Variants in KIF1A observed in about 807,000 individuals in gnomAD.
KIF1A encodes kinesin-like protein KIF1A.
KIF1A carries 46 observed loss-of-function variants against 227.3 expected under a neutral mutation model. That is an observed-to-expected ratio of 0.20 (90% CI 0.16 to 0.26). The LOEUF is 0.26. KIF1A is among the 10% of genes least tolerant of loss of function. The pLI is 1.00. For missense variants in KIF1A, 1,683 were observed against 2,485.9 expected (o/e 0.68, Z 6.87); for synonymous variants, 1,022 against 1,012.8 (o/e 1.01, Z -0.17).
At chr2:240,781,431 CCACACACACACA>C (rs1207804684) in intron 10 of KIF1A, among the ~76,000 whole-genome samples, 10 of 21,960 alleles carry the variant, frequency 4.6e-4, no homozygotes, top group African/African-American at 1.4e-3. Flanking sequence ...ACACACAGCT[CCACACACACACA>C]CACACACACA....
At chr2:240,734,575 G>A in intron 38 of KIF1A, 1 of 448,954 alleles carries the variant, frequency 2.2e-6, no homozygotes, top group Non-Finnish European at 4.4e-6. Flanking sequence ...GGGAGGAACA[G>A]GAGGACAGGT....
In KIF1A at chr2:240,743,016, C is replaced by A. The variant is rs200297223; in HGVS notation, c.3585-32G>T. ...AGAAAGGACCAGTGTGAGGTGTTTG[C>A]GGGACCCTGGGCGGGAGGGGTCAGA... On this transcript the variant is annotated intron_variant, in intron 33 of 48. Coordinates refer to ENST00000498729, the MANE Select transcript of KIF1A (RefSeq NM_001244008.2). 35 of 1,568,558 alleles carry A rather than the reference C, an allele frequency of 2.2e-5. No homozygotes were observed. The South Asian group carries it at 4.0e-4, about 18-fold the overall frequency.
intron 45 of KIF1A, 157 bp from the exon 46 acceptor site, chr2:240,720,083 C>T (rs576331264): frequency 9.0e-5 from 55 of 612,342 alleles, no homozygotes; most frequent in South Asian, 3.6e-4. Flanking sequence ...TCCCGGGGCC[C>T]GTCCACCAGG....
At chr2:240,720,182 G>A in intron 45 of KIF1A, 2 of 398,312 alleles carry the variant, frequency 5.0e-6, no homozygotes, top group Non-Finnish European at 8.9e-6. Flanking sequence ...GGGAGCCTGT[G>A]CCCCACTCCA....
chr2:240,724,931 C>CGGGG lies in KIF1A; in HGVS notation c.4256+339_4256+340insCCCC, dbSNP rs1390537317. 341 of 42,046 alleles carry CGGGG rather than the reference C, an allele frequency of 8.1e-3. 91 individuals are homozygous for CGGGG. The highest frequency in any genetic ancestry group is 0.012 in the Non-Finnish European group (254 of 20,826). The allele number at this position is 42,046 out of a possible 1,614,324, so 2.6% of individuals were successfully genotyped here. On this transcript the variant is annotated intron_variant, in intron 40 of 48. Coordinates refer to ENST00000498729, the MANE Select transcript of KIF1A (RefSeq NM_001244008.2). ...GGTCCTCAGGGAAGAAGGTCACCGG[C>CGGGG]GGCGGGGGGGGGGGGGGGGGAACGG... is the stretch of plus-strand genomic sequence containing the variant.
chr2:240,743,322 GC>G (rs1307554514), intron 33 of KIF1A, among the ~76,000 whole-genome samples: 1 of 152,196 alleles, frequency 6.6e-6, no homozygotes, highest in East Asian at 1.9e-4. Context: ...TCCCAGTCCT[GC>G]CTGACAGCTG....
At chr2:240,768,448 C>T (rs1323712915) in intron 17 of KIF1A, among the ~76,000 whole-genome samples, 11 of 152,252 alleles carry the variant, frequency 7.2e-5, no homozygotes, top group Non-Finnish European at 1.5e-5. Context: ...CCCTCCCAAG[C>T]TATGGACACA....
chr2:240,814,367 A>G (rs2058170402), intron 1 of KIF1A, among the ~76,000 whole-genome samples: 1 of 152,158 alleles, frequency 6.6e-6, no homozygotes, highest in African/African-American at 2.4e-5. Flanking sequence ...CTATCCTTAG[A>G]GTTCCCAGGA....
At chr2:240,767,787 A>G (rs776264929) in intron 17 of KIF1A, among the ~76,000 whole-genome samples, 56 of 152,378 alleles carry the variant, frequency 3.7e-4, no homozygotes, top group Non-Finnish European at 6.6e-4. Flanking sequence ...ACCCCATTCC[A>G]GCTCAGACAG....
At position 240,736,563 on chromosome 2, in the gene KIF1A, G is replaced by T. The variant is rs34760886; in HGVS notation, c.4007+500C>A. On this transcript the variant is annotated intron_variant, in intron 38 of 48. Transcript: ENST00000498729. This position sits in a 1 kb window ranked among gnomAD's most constrained non-coding sequence, Gnocchi z 4.7. ...GCCTAAATGCGGTCGGGCTGGGACC[G>T]CCCAGACTGTGGGGTCTTGGCCGTG... 0.15 allele frequency among the ~76,000 whole-genome samples: 22,892 copies of T among 152,186 alleles called. 1,867 individuals carry two copies. Among genetic ancestry groups the T allele is most frequent in the Middle Eastern group, 0.2 (60 of 294 alleles).
In KIF1A at chr2:240,723,562, C is replaced by T. The variant is rs753590458; in HGVS notation, c.4319-4G>A. The T allele has an allele frequency of 6.5e-7, 1 of 1,531,982 alleles. No homozygotes were observed. The highest frequency in any genetic ancestry group is 8.8e-7 in the Non-Finnish European group (1 of 1,132,756). 94.9% of individuals were successfully genotyped at this position (1,531,982 alleles called of 1,614,324 possible). A position where few individuals can be genotyped will look rare whatever the true frequency, so the allele number is the denominator to read the frequency against. ...CGTCGGCGCCGGCGCTGCATCCCTG[C>T]ATGGGGCACGTGGACATTCCACCCC... On this transcript the variant is annotated splice_polypyrimidine_tract_variant and splice_region_variant and intron_variant, in intron 41 of 48. Coordinates refer to ENST00000498729, the MANE Select transcript of KIF1A (RefSeq NM_001244008.2).
intron 5 of KIF1A, 151 bp downstream of exon 5, chr2:240,787,100 G>T: frequency 1.5e-6 from 1 of 669,710 alleles, no homozygotes. Flanking sequence ...CCCTGCCCAG[G>T]CCCGCCGTCT....
chr2:240,818,241 A>G (rs1415661838), intron 1 of KIF1A, among the ~76,000 whole-genome samples: 5 of 152,096 alleles, frequency 3.3e-5, no homozygotes, highest in Non-Finnish European at 7.4e-5. Flanking sequence ...ATCCATCTGC[A>G]GCCGGAGTGA....
chr2:240,807,931 C>T (rs994435843), intron 1 of KIF1A, among the ~76,000 whole-genome samples: 2 of 152,030 alleles, frequency 1.3e-5, no homozygotes, highest in Admixed American at 6.5e-5. Context: ...ACTAAAAAAG[C>T]ATTCCATAAT....
At chr2:240,731,182 T>C (rs1269788501) in intron 38 of KIF1A, among the ~76,000 whole-genome samples, 1 of 151,958 alleles carries the variant, frequency 6.6e-6, no homozygotes, top group Non-Finnish European at 1.5e-5. Context: ...GGAAGGTGCC[T>C]GGAGGAGGGC....
chr2:240,745,312 C>A (rs2048456596), intron 32 of KIF1A, 115 bp downstream of exon 32: 1 of 847,566 alleles, frequency 1.2e-6, no homozygotes, highest in Non-Finnish European at 2.0e-6. Flanking sequence ...TCCCGGTGCA[C>A]AAGGCAGTCC....
intron 33 of KIF1A, among the ~76,000 whole-genome samples, chr2:240,743,397 G>A (rs940698705): frequency 5.9e-5 from 9 of 152,214 alleles, no homozygotes; most frequent in Non-Finnish European, 1.0e-4. Context: ...CTCTGCACTC[G>A]AGGTGCCCAG....
In KIF1A at chr2:240,745,845, A is replaced by G. The variant is rs1351026556; in HGVS notation, c.3267T>C (p.Asp1089=). Residue 1089 remains aspartate (D), a synonymous_variant, in exon 31 of 49, where the codon GAT becomes GAC. Transcript: ENST00000498729. ...CCAGGCGGAGGTGGTCCAGGGCAGC[A>G]TCCAGGGGCCCATCCAGGGCGGCTT... is the stretch of plus-strand genomic sequence containing the variant. ...SEKAALDGPL[D]AALDHLRLGN... 1 of 1,612,726 alleles carries G rather than the reference A, an allele frequency of 6.2e-7. No homozygotes were observed. Among genetic ancestry groups the G allele is most frequent in the South Asian group, 1.1e-5 (1 of 90,820 alleles).
chr2:240,787,004 G>C (rs1279624214), intron 5 of KIF1A, among the ~76,000 whole-genome samples: 2 of 152,188 alleles, frequency 1.3e-5, no homozygotes, highest in Admixed American at 1.3e-4. Flanking sequence ...TGAGGCACCT[G>C]CCCATGCCCT....
Sources: gnomAD v4.1 joint callset for allele counts (sites outside exome capture counted in the v4.1 genomes callset) on GRCh38, gnomAD v4.1.1 for gene constraint, Gnocchi (gnomAD v3.1) non-coding constraint, MANE v1.5 for transcripts, NCBI Gene and HGNC (gene_info 2026-07-23, HGNC 2026-07-21) for gene names.